AK5: variants seen among roughly 807,000 people sequenced by gnomAD.
AK5 encodes adenylate kinase 5, also known as adenylate kinase isoenzyme 5.
In AK5, 27 loss-of-function variants were observed where a neutral mutation model predicts 69.5. That is an observed-to-expected ratio of 0.39 (90% confidence interval 0.29 to 0.54). The LOEUF (loss-of-function observed/expected upper bound fraction) is 0.54, where lower values mean the gene tolerates loss of function less well. AK5 is among the 20% of genes least tolerant of loss of function. The pLI is 0.71. For synonymous variants in AK5, 260 were observed against 244.4 expected, an observed-to-expected ratio of 1.06 and a Z score of -0.60; for missense variants, 531 against 700.4, an observed-to-expected ratio of 0.76 and a Z score of 2.73.
chr1:77,541,186 C>T (rs1438963589), intron 13 of AK5, among the ~76,000 whole-genome samples: 3 of 152,142 alleles, frequency 2.0e-5, no homozygotes, highest in South Asian at 2.1e-4. Context: ...GGATTACAGG[C>T]GTGAGCTACC....
At chr1:77,393,190 G>A (rs376034080) in intron 6 of AK5, among the ~76,000 whole-genome samples, 1 of 152,130 alleles carries the variant, frequency 6.6e-6, no homozygotes, top group African/African-American at 2.4e-5. Flanking sequence ...ACTGAGGAAA[G>A]CATTTTGTGA....
chr1:77,359,812 C>T (rs962507086), intron 6 of AK5, among the ~76,000 whole-genome samples: 1 of 152,202 alleles, frequency 6.6e-6, no homozygotes, highest in African/African-American at 2.4e-5. Context: ...AAACAGCTGT[C>T]AAATACAATG....
intron 8 of AK5, among the ~76,000 whole-genome samples, chr1:77,479,749 G>T (rs138127437): frequency 3.3e-5 from 5 of 152,148 alleles, no homozygotes; most frequent in Admixed American, 3.3e-4. Context: ...ATGTCCCGTT[G>T]TGCACACAAA....
chr1:77,322,377 G>C (rs1047860640), intron 5 of AK5, among the ~76,000 whole-genome samples: 4 of 151,908 alleles, frequency 2.6e-5, no homozygotes, highest in Non-Finnish European at 4.4e-5. Flanking sequence ...AGTAACTCAA[G>C]CACAAATTTT....
chr1:77,555,563 CCT>C (rs1242504143), intron 13 of AK5, among the ~76,000 whole-genome samples: 2 of 152,154 alleles, frequency 1.3e-5, no homozygotes, highest in Non-Finnish European at 2.9e-5. Context: ...TTTCAGAGCC[CCT>C]GTTTCATCAT....
intron 2 of AK5, among the ~76,000 whole-genome samples, chr1:77,290,201 G>A (rs989800673): frequency 3.9e-5 from 6 of 152,204 alleles, no homozygotes; most frequent in South Asian, 4.1e-4. Context: ...GCTAAAAAAC[G>A]GAAAATGATT....
chr1:77,470,846 TATATATATATATATA>T (rs1654425558), intron 8 of AK5, among the ~76,000 whole-genome samples: 330 of 27,170 alleles, frequency 0.012, 40 homozygotes, highest in South Asian at 0.018. Flanking sequence ...TATATATATA[TATATATATATATATA>T]TATATATATA....
intron 10 of AK5, among the ~76,000 whole-genome samples, chr1:77,508,114 C>A (rs1657126930): frequency 6.6e-6 from 1 of 152,114 alleles, no homozygotes; most frequent in South Asian, 2.1e-4. Context: ...AAGTATAATG[C>A]AAGTATCCCA....
At chr1:77,392,800 A>G (rs944304464) in intron 6 of AK5, among the ~76,000 whole-genome samples, 3 of 151,950 alleles carry the variant, frequency 2.0e-5, no homozygotes, top group Admixed American at 6.6e-5. Context: ...ATGGAAATCT[A>G]TTCTGCAATC....
At chr1:77,427,711 TCAA>T (rs1651306978) in intron 8 of AK5, among the ~76,000 whole-genome samples, 1 of 152,132 alleles carries the variant, frequency 6.6e-6, no homozygotes. Context: ...GTGAAAATCA[TCAA>T]CAACATATGT....
At chr1:77,289,299 A>G (rs1462140468) in intron 2 of AK5, among the ~76,000 whole-genome samples, 2 of 152,168 alleles carry the variant, frequency 1.3e-5, no homozygotes, top group Non-Finnish European at 2.9e-5. Context: ...ACACCACTTA[A>G]TACATTACTG....
Position 77,551,265 on chromosome 1 carries a change from G to T in AK5, c.1621-7337G>T, listed in dbSNP as rs150242838. 1.5e-3 allele frequency among the ~76,000 whole-genome samples: 228 copies of T among 151,914 alleles called. 1 individual carries two copies. The highest frequency in any genetic ancestry group is 5.1e-3 in the African/African-American group (213 of 41,408). The stretch of plus-strand genomic sequence containing the variant: ...CACACACACCTTCTATAAGACAACA[G>T]AAATTGCCTCACTGACTTTATTCTC... On this transcript the variant is annotated intron_variant, in intron 13 of 13. Coordinates refer to ENST00000354567, the MANE Select transcript of AK5 (RefSeq NM_174858.3).
chr1:77,550,123 T>G (rs1313551752), intron 13 of AK5, among the ~76,000 whole-genome samples: 2 of 152,120 alleles, frequency 1.3e-5, no homozygotes, highest in African/African-American at 4.8e-5. Context: ...AGCTAATTTT[T>G]TTATTTTTGT....
chr1:77,513,135 C>G (rs952914422), intron 10 of AK5, among the ~76,000 whole-genome samples: 1 of 152,216 alleles, frequency 6.6e-6, no homozygotes, highest in Non-Finnish European at 1.5e-5. Flanking sequence ...CCACTTCCAC[C>G]CCTGTGCAGA....
chr1:77,447,936 T>C (rs1046280210), intron 8 of AK5, among the ~76,000 whole-genome samples: 5 of 152,184 alleles, frequency 3.3e-5, no homozygotes, highest in South Asian at 4.1e-4. Context: ...TGTGATGAGG[T>C]TGCCCTTTGT....
chr1:77,298,701 A>G (rs1024463679), intron 5 of AK5, among the ~76,000 whole-genome samples: 1 of 151,606 alleles, frequency 6.6e-6, no homozygotes, highest in Admixed American at 6.6e-5. Context: ...GCGCACACCT[A>G]TAGGCCCAGC....
At chr1:77,363,548 C>T (rs779255897) in intron 6 of AK5, among the ~76,000 whole-genome samples, 2 of 152,172 alleles carry the variant, frequency 1.3e-5, no homozygotes, top group Non-Finnish European at 2.9e-5. Context: ...CAAAGTCATT[C>T]CCATGTCCCA....
At chr1:77,553,103 G>A (rs1394342015) in intron 13 of AK5, among the ~76,000 whole-genome samples, 5 of 152,156 alleles carry the variant, frequency 3.3e-5, no homozygotes. Flanking sequence ...CACATTACGA[G>A]TATGAGAAAC....
At chr1:77,531,828 G>C (rs1658616602) in intron 12 of AK5, among the ~76,000 whole-genome samples, 1 of 150,378 alleles carries the variant, frequency 6.6e-6, no homozygotes, top group Non-Finnish European at 1.5e-5. Flanking sequence ...GGGGAGGCTG[G>C]TGCCGCGCAG....
Sources: gnomAD v4.1 joint callset for allele counts (sites outside exome capture counted in the v4.1 genomes callset) on GRCh38, gnomAD v4.1.1 for gene constraint, MANE v1.5 for transcripts, NCBI Gene and HGNC (gene_info 2026-07-23, HGNC 2026-07-21) for gene names.